Variants in VRK2 observed in about 807,000 individuals in gnomAD.
VRK2 encodes serine/threonine-protein kinase VRK2.
Under a neutral mutation model 57.6 loss-of-function variants are expected in VRK2, and 60 were observed. The observed-to-expected ratio is 1.04, with a 90% CI of 0.85 to 1.29. The LOEUF is 1.29. VRK2 is among the 50% of genes most tolerant of loss of function. VRK2 has a pLI of 0.00. For missense variants in VRK2, 705 were observed against 588.1 expected, an observed-to-expected ratio of 1.20 and a Z score of -2.06; for synonymous variants, 231 against 199.2, an observed-to-expected ratio of 1.16 and a Z score of -1.35.
chr2:58,156,604 TTTTGTTTTG>T (rs1464492553), intron 12 of VRK2, among the ~76,000 whole-genome samples: 47 of 150,856 alleles, frequency 3.1e-4, no homozygotes, highest in Admixed American at 9.8e-4. Context: ...TTTTGTTTTG[TTTTGTTTTG>T]TTTTTGCCTG....
intron 2 of VRK2, among the ~76,000 whole-genome samples, chr2:58,079,459 A>G (rs756134744): frequency 6.6e-6 from 1 of 152,080 alleles, no homozygotes; most frequent in Non-Finnish European, 1.5e-5. Context: ...GACATTTGCC[A>G]AATGATGATT....
chr2:58,068,038 C>A (rs1168758313), intron 2 of VRK2, among the ~76,000 whole-genome samples: 1 of 151,694 alleles, frequency 6.6e-6, no homozygotes, highest in Non-Finnish European at 1.5e-5. Context: ...CAAGCAATTC[C>A]CCTGCCTCAG....
At chr2:58,020,330 T>C (rs1673713153) in intron 1 of VRK2, among the ~76,000 whole-genome samples, 1 of 152,278 alleles carries the variant, frequency 6.6e-6, no homozygotes. Flanking sequence ...CTCAGCCTCC[T>C]ACCTAACTCT....
intron 3 of VRK2, chr2:58,041,157 A>G (rs1432786697): frequency 1.3e-6 from 1 of 762,848 alleles, no homozygotes; most frequent in African/African-American, 1.9e-5. Flanking sequence ...CAGGGTAAGA[A>G]TCATACCACT....
At chr2:57,925,965 C>G (rs1027637104) in intron 1 of VRK2, among the ~76,000 whole-genome samples, 3 of 151,616 alleles carry the variant, frequency 2.0e-5, no homozygotes, top group African/African-American at 4.8e-5. Context: ...TTTTAATTTC[C>G]TTCTTAATTT....
chr2:57,972,421 C>A (rs937700505), intron 1 of VRK2, among the ~76,000 whole-genome samples: 1 of 151,818 alleles, frequency 6.6e-6, no homozygotes, highest in African/African-American at 2.4e-5. Context: ...TATACACATG[C>A]AACAGTTACA....
intron 7 of VRK2, among the ~76,000 whole-genome samples, chr2:58,110,041 A>G (rs574297327): frequency 6.6e-6 from 1 of 151,864 alleles, no homozygotes; most frequent in African/African-American, 2.4e-5. Flanking sequence ...GAACTTGGGA[A>G]TATGGCATAC....
At chr2:58,150,282 T>C (rs1235758850) in intron 12 of VRK2, among the ~76,000 whole-genome samples, 2 of 151,532 alleles carry the variant, frequency 1.3e-5, no homozygotes, top group Non-Finnish European at 3.0e-5. Flanking sequence ...ACATTTACTT[T>C]CTATAATATA....
intron 1 of VRK2, among the ~76,000 whole-genome samples, chr2:57,980,738 G>A (rs1168474995): frequency 1.3e-5 from 2 of 152,148 alleles, no homozygotes; most frequent in African/African-American, 4.8e-5. Context: ...ATACATTTAG[G>A]ATTGTTAAGT....
intron 1 of VRK2, among the ~76,000 whole-genome samples, chr2:57,931,331 G>C (rs750710614): frequency 4.0e-5 from 6 of 151,882 alleles, no homozygotes; most frequent in Non-Finnish European, 7.4e-5. Context: ...CATTCTACAA[G>C]ATTTCATTAT....
chr2:58,006,134 C>A (rs1277283958), intron 1 of VRK2, among the ~76,000 whole-genome samples: 1 of 152,062 alleles, frequency 6.6e-6, no homozygotes, highest in Non-Finnish European at 1.5e-5. Context: ...GAGTTTTCTA[C>A]TTTATACAGA....
intron 1 of VRK2, among the ~76,000 whole-genome samples, chr2:57,923,548 C>T (rs1670427147): frequency 6.6e-6 from 1 of 150,540 alleles, no homozygotes; most frequent in Non-Finnish European, 1.5e-5. Flanking sequence ...AATGTCTATT[C>T]AGATCTTTTG....
intron 1 of VRK2, among the ~76,000 whole-genome samples, chr2:57,944,216 GT>G (rs1671185593): frequency 6.6e-6 from 1 of 152,184 alleles, no homozygotes; most frequent in African/African-American, 2.4e-5. Flanking sequence ...ACAGCCATGT[GT>G]GGGGTTATGA....
chr2:57,925,213 T>A (rs1311767031), intron 1 of VRK2, among the ~76,000 whole-genome samples: 1 of 152,132 alleles, frequency 6.6e-6, no homozygotes, highest in East Asian at 1.9e-4. Flanking sequence ...TGGGTAATAC[T>A]GGCCTTGTAG....
At chr2:58,066,368 G>C (rs1190953389) in intron 2 of VRK2, among the ~76,000 whole-genome samples, 3 of 152,020 alleles carry the variant, frequency 2.0e-5, no homozygotes, top group African/African-American at 7.2e-5. Flanking sequence ...TATTAATATG[G>C]TAGATGACAT....
chr2:58,091,498 A>G (rs886385041), intron 7 of VRK2, among the ~76,000 whole-genome samples: 8 of 152,028 alleles, frequency 5.3e-5, no homozygotes, highest in African/African-American at 1.7e-4. Context: ...TTAAATAACA[A>G]TATACCTAGT....
intron 10 of VRK2, among the ~76,000 whole-genome samples, chr2:58,137,178 A>ATGATACATG (rs1262373802): frequency 5.0e-5 from 4 of 79,892 alleles, no homozygotes; most frequent in African/African-American, 2.2e-4. Flanking sequence ...TATATCATAT[A>ATGATACATG]TATCATATAT....
At chr2:58,027,069 A>G (rs979169313) in intron 2 of VRK2, among the ~76,000 whole-genome samples, 4 of 151,858 alleles carry the variant, frequency 2.6e-5, no homozygotes, top group Non-Finnish European at 5.9e-5. Flanking sequence ...GTAATTTTAA[A>G]CTTTTATTTA....
chr2:57,933,258 G>A (rs1272115455), intron 1 of VRK2, among the ~76,000 whole-genome samples: 1 of 149,650 alleles, frequency 6.7e-6, no homozygotes, highest in Non-Finnish European at 1.5e-5. Context: ...TTGAAAGTTG[G>A]GTGTTGGAGT....
Sources: allele counts gnomAD v4.1 joint callset (sites outside exome capture counted in the v4.1 genomes callset), GRCh38; gene constraint gnomAD v4.1.1; transcripts MANE v1.5; gene names NCBI Gene and HGNC (gene_info 2026-07-23, HGNC 2026-07-21).